GPC6: variants seen among roughly 807,000 people sequenced by gnomAD.
GPC6 encodes the protein glypican 6, also known as glypican-6.
A neutral mutation model predicts 55.2 loss-of-function variants in GPC6; 14 were observed. The observed-to-expected ratio is 0.25, with a 90% CI of 0.17 to 0.40. The LOEUF (loss-of-function observed/expected upper bound fraction) is 0.40, where lower values mean the gene tolerates loss of function less well. GPC6 is among the 10% of genes least tolerant of loss of function. The probability of loss-of-function intolerance (pLI) is 1.00; values close to 1 mark genes in which losing one functional copy is unlikely to be tolerated. For missense variants in GPC6, 641 were observed against 708.5 expected (o/e 0.90, Z 1.08); for synonymous variants, 278 against 259.6 (o/e 1.07, Z -0.68).
intron 3 of GPC6, among the ~76,000 whole-genome samples, chr13:93,999,182 C>T (rs558057256): frequency 6.6e-6 from 1 of 152,304 alleles, no homozygotes; most frequent in South Asian, 2.1e-4. Flanking sequence ...CCTCCCCTAG[C>T]TCCCCAGCCC....
At chr13:93,715,972 A>G (rs2138815536) in intron 2 of GPC6, among the ~76,000 whole-genome samples, 1 of 151,706 alleles carries the variant, frequency 6.6e-6, no homozygotes, top group African/African-American at 2.4e-5. Context: ...CAGTCAATGA[A>G]GGACTGCATC....
intron 2 of GPC6, among the ~76,000 whole-genome samples, chr13:93,781,859 A>T (rs1885662404): frequency 6.6e-6 from 1 of 152,192 alleles, no homozygotes; most frequent in Admixed American, 6.5e-5. Flanking sequence ...TATGTTGTAC[A>T]ATATGATGTT....
intron 3 of GPC6, among the ~76,000 whole-genome samples, chr13:93,839,242 C>A (rs1416921568): frequency 6.6e-6 from 1 of 152,036 alleles, no homozygotes; most frequent in Non-Finnish European, 1.5e-5. Flanking sequence ...ACAAGGTGTG[C>A]AAAGCTTGGT....
intron 6 of GPC6, among the ~76,000 whole-genome samples, chr13:94,378,163 A>G (rs961184325): frequency 6.6e-6 from 1 of 152,052 alleles, no homozygotes; most frequent in Non-Finnish European, 1.5e-5. Context: ...AACCTGCACA[A>G]TGTGCACATG....
chr13:93,796,175 G>A (rs1245346904), intron 2 of GPC6, among the ~76,000 whole-genome samples: 2 of 151,840 alleles, frequency 1.3e-5, no homozygotes, highest in African/African-American at 2.4e-5. Context: ...CAGCCTGGGT[G>A]ACACAGTGAG....
intron 4 of GPC6, among the ~76,000 whole-genome samples, chr13:94,189,513 A>C (rs7490114): frequency 0.034 from 5,130 of 152,252 alleles, 335 homozygotes; most frequent in African/African-American, 0.12. Flanking sequence ...TTTGGATAAA[A>C]AGCAGTGGAT....
In GPC6 at chr13:93,938,024, T is replaced by A. The variant is rs377296109; in HGVS notation, c.712-89705T>A. On this transcript the variant is annotated intron_variant, in intron 3 of 8. Coordinates refer to ENST00000377047, the MANE Select transcript of GPC6 (RefSeq NM_005708.5). ...AAAAAGAAATTATAATACCCTTAAT[T>A]AGTTTGACCCTTAATTAGTTGACCA... Among the ~76,000 whole-genome samples, 6 of 152,324 alleles carry A rather than the reference T, an allele frequency of 3.9e-5. No individual in the cohort carries two copies. The South Asian group carries it at 8.3e-4, about 21-fold the overall frequency.
intron 2 of GPC6, among the ~76,000 whole-genome samples, chr13:93,783,017 G>T (rs1885704936): frequency 6.6e-6 from 1 of 152,082 alleles, no homozygotes; most frequent in South Asian, 2.1e-4. Flanking sequence ...CGTTCCCACT[G>T]TGTGTCCATG....
intron 4 of GPC6, among the ~76,000 whole-genome samples, chr13:94,063,513 T>G (rs1041547024): frequency 2.0e-5 from 3 of 152,206 alleles, no homozygotes; most frequent in Non-Finnish European, 2.9e-5. Flanking sequence ...ATAAATCACT[T>G]TGTTAGTGCT....
chr13:93,712,153 C>T (rs575633211), intron 2 of GPC6, among the ~76,000 whole-genome samples: 20 of 151,858 alleles, frequency 1.3e-4, no homozygotes, highest in African/African-American at 3.9e-4. Context: ...TCCGCTCTAT[C>T]ATGTCTTTCA....
intron 1 of GPC6, among the ~76,000 whole-genome samples, chr13:93,529,273 G>C (rs1013470867): frequency 1.3e-5 from 2 of 152,086 alleles, no homozygotes; most frequent in South Asian, 4.1e-4. Context: ...CCTCCACTTC[G>C]ATGTTCTTCC....
At chr13:94,031,973 A>G (rs1326409364) in intron 4 of GPC6, among the ~76,000 whole-genome samples, 1 of 152,210 alleles carries the variant, frequency 6.6e-6, no homozygotes, top group East Asian at 1.9e-4. Flanking sequence ...CTAAGATTTT[A>G]TAGACTATGA....
chr13:93,924,215 C>G (rs1877727735), intron 3 of GPC6, among the ~76,000 whole-genome samples: 1 of 152,220 alleles, frequency 6.6e-6, no homozygotes, highest in Non-Finnish European at 1.5e-5. Context: ...ATGTATGGCT[C>G]TCCTTTGTAT....
intron 1 of GPC6, among the ~76,000 whole-genome samples, chr13:93,333,941 A>G (rs770673397): frequency 6.6e-6 from 1 of 152,190 alleles, no homozygotes; most frequent in Non-Finnish European, 1.5e-5. Context: ...TTTTTAAAAT[A>G]TAAGATCATG....
Position 94,398,652 on chromosome 13 carries a change from C to A in GPC6, c.1465+11C>A, listed in dbSNP as rs375762690. The A allele has an allele frequency of 5.6e-6, 9 of 1,612,882 alleles. No homozygotes were observed. Among genetic ancestry groups the A allele is most frequent in the Non-Finnish European group, 7.6e-6 (9 of 1,178,986 alleles). ...ATTTCCAGGACACAAGTAAGAAAAT[C>A]CTTCCCAGCACCAGAAATTTTCAAA... On this transcript the variant is annotated intron_variant, in intron 8 of 8. Transcript: ENST00000377047.
chr13:93,783,065 A>G (rs1432699345), intron 2 of GPC6, among the ~76,000 whole-genome samples: 2 of 152,186 alleles, frequency 1.3e-5, no homozygotes, highest in African/African-American at 2.4e-5. Flanking sequence ...AAGTGAGAAC[A>G]TACAGTGTTT....
intron 2 of GPC6, among the ~76,000 whole-genome samples, chr13:93,683,818 A>G (rs1258219391): frequency 1.3e-5 from 2 of 152,130 alleles, no homozygotes; most frequent in African/African-American, 2.4e-5. Flanking sequence ...TATAGATTGA[A>G]TGGCTTGTAA....
chr13:93,855,564 AG>A (rs1472329709), intron 3 of GPC6, among the ~76,000 whole-genome samples: 1 of 151,586 alleles, frequency 6.6e-6, no homozygotes, highest in African/African-American at 2.4e-5. Context: ...AATGCAGGAT[AG>A]TATTTATAGT....
intron 2 of GPC6, among the ~76,000 whole-genome samples, chr13:93,653,667 A>G (rs1213862790): frequency 3.3e-5 from 5 of 151,962 alleles, no homozygotes; most frequent in Non-Finnish European, 5.9e-5. Context: ...CTGATAAGAA[A>G]TAGACTCAGG....
Sources: gnomAD v4.1 joint callset for allele counts (sites outside exome capture counted in the v4.1 genomes callset) on GRCh38, gnomAD v4.1.1 for gene constraint, MANE v1.5 for transcripts, NCBI Gene and HGNC (gene_info 2026-07-23, HGNC 2026-07-21) for gene names.